The following TENM4 variants were observed in gnomAD, a reference collection of about 807,000 sequenced individuals.
TENM4 encodes teneurin-4.
In TENM4, 82 loss-of-function variants were observed where a neutral mutation model predicts 243.3. The observed-to-expected ratio is 0.34, with a 90% CI of 0.28 to 0.40. The LOEUF (loss-of-function observed/expected upper bound fraction) is 0.40, where lower values mean the gene tolerates loss of function less well. Ranked by LOEUF, TENM4 falls within the 10% of genes least tolerant of loss-of-function variation. TENM4 has a pLI of 1.00. For missense variants in TENM4, 3,138 were observed against 3,673.3 expected (o/e 0.85, Z 3.77); for synonymous variants, 1,412 against 1,456.3 (o/e 0.97, Z 0.69).
intron 19 of TENM4, among the ~76,000 whole-genome samples, chr11:78,746,673 G>A (rs567107467): frequency 7.3e-4 from 111 of 152,352 alleles, no homozygotes; most frequent in African/African-American, 2.6e-3. Flanking sequence ...CAGGGAGCAA[G>A]GCCCTTGTCC....
intron 19 of TENM4, among the ~76,000 whole-genome samples, chr11:78,750,875 GTGTGTC>G (rs1277637747): frequency 5.3e-5 from 8 of 151,750 alleles, no homozygotes; most frequent in African/African-American, 1.9e-4. Flanking sequence ...GTGTGTGTGT[GTGTGTC>G]TGTGTGTCTG....
chr11:79,280,344 G>T (rs942209689), intron 2 of TENM4, among the ~76,000 whole-genome samples: 2 of 152,134 alleles, frequency 1.3e-5, no homozygotes, highest in African/African-American at 4.8e-5. Context: ...GCTCCAGTGG[G>T]CAGGCATATC....
intron 2 of TENM4, among the ~76,000 whole-genome samples, chr11:79,264,190 G>C (rs1248891323): frequency 1.3e-5 from 2 of 152,086 alleles, no homozygotes; most frequent in Admixed American, 1.3e-4. Flanking sequence ...GAGATACCAC[G>C]GGAGCAGTGA....
chr11:79,043,014 C>T (rs1165693856), intron 6 of TENM4, among the ~76,000 whole-genome samples: 5 of 152,316 alleles, frequency 3.3e-5, no homozygotes, highest in East Asian at 1.9e-4. Flanking sequence ...CTCAGTCATA[C>T]AGTACATGCA....
chr11:78,665,986 G>C (rs1170838296), intron 32 of TENM4, among the ~76,000 whole-genome samples: 1 of 152,158 alleles, frequency 6.6e-6, no homozygotes, highest in Non-Finnish European at 1.5e-5. Context: ...GGATTGTCCA[G>C]TGACCTAAGC....
At chr11:78,890,468 A>G (rs1417326166) in intron 8 of TENM4, among the ~76,000 whole-genome samples, 4 of 152,132 alleles carry the variant, frequency 2.6e-5, no homozygotes, top group South Asian at 2.1e-4. Context: ...TCTCCCTCCA[A>G]TGCTTCTGTT....
intron 6 of TENM4, among the ~76,000 whole-genome samples, chr11:79,015,065 A>G (rs1858737682): frequency 6.6e-6 from 1 of 152,146 alleles, no homozygotes; most frequent in Admixed American, 6.5e-5. Context: ...AAACATAAAT[A>G]TCTCATTAGG....
intron 13 of TENM4, 127 bp downstream of exon 13, chr11:78,814,167 C>A: frequency 1.2e-6 from 1 of 827,316 alleles, no homozygotes; most frequent in Admixed American, 2.9e-5. Context: ...TGGAGAATGG[C>A]CCTTGGAAAC....
At chr11:79,429,410 G>A (rs998072718) in intron 1 of TENM4, among the ~76,000 whole-genome samples, 3 of 152,214 alleles carry the variant, frequency 2.0e-5, no homozygotes, top group African/African-American at 7.2e-5. Flanking sequence ...CAGCGGACCA[G>A]CAGCTGAGAG....
chr11:79,095,753 G>A (rs1861062062), intron 4 of TENM4, among the ~76,000 whole-genome samples: 1 of 152,234 alleles, frequency 6.6e-6, no homozygotes. Flanking sequence ...ATGCCCAAGA[G>A]GTGCTGGGTC....
intron 9 of TENM4, among the ~76,000 whole-genome samples, chr11:78,873,169 C>T (rs1022690084): frequency 6.6e-6 from 1 of 152,174 alleles, no homozygotes; most frequent in Non-Finnish European, 1.5e-5. Context: ...TGCCCCCCTG[C>T]CTTTATCTGT....
At chr11:79,342,098 C>G (rs1020651518) in intron 1 of TENM4, among the ~76,000 whole-genome samples, 2 of 152,180 alleles carry the variant, frequency 1.3e-5, no homozygotes, top group African/African-American at 4.8e-5. Context: ...CCCACAATCA[C>G]AGAGGACACT....
intron 3 of TENM4, among the ~76,000 whole-genome samples, chr11:79,167,018 T>G (rs533490752): frequency 6.6e-6 from 1 of 152,320 alleles, no homozygotes; most frequent in East Asian, 1.9e-4. Flanking sequence ...TAGAGGCTCA[T>G]GAATGCCAGG....
At chr11:78,846,018 T>C (rs1422358349) in intron 12 of TENM4, among the ~76,000 whole-genome samples, 1 of 152,146 alleles carries the variant, frequency 6.6e-6, no homozygotes, top group Non-Finnish European at 1.5e-5. Context: ...TAAGACCCTA[T>C]CTGTCTTGCT....
At chr11:79,119,807 T>A (rs971919020) in intron 4 of TENM4, among the ~76,000 whole-genome samples, 9 of 152,184 alleles carry the variant, frequency 5.9e-5, no homozygotes, top group Non-Finnish European at 1.2e-4. Context: ...CAGATGTCCA[T>A]CCTCTCCTGA....
At chr11:78,846,392 T>C (rs946118068) in intron 12 of TENM4, among the ~76,000 whole-genome samples, 1 of 152,224 alleles carries the variant, frequency 6.6e-6, no homozygotes, top group African/African-American at 2.4e-5. Flanking sequence ...ATGGCTATTT[T>C]ACATACCAGT....
At chr11:79,089,688 GC>G (rs1860900611) in intron 4 of TENM4, among the ~76,000 whole-genome samples, 1 of 152,094 alleles carries the variant, frequency 6.6e-6, no homozygotes, top group South Asian at 2.1e-4. Flanking sequence ...CATTCCAATG[GC>G]CGCAGGCAAG....
intron 6 of TENM4, among the ~76,000 whole-genome samples, chr11:79,021,989 C>A (rs77570340): frequency 1.3e-5 from 2 of 152,164 alleles, no homozygotes; most frequent in East Asian, 1.9e-4. Flanking sequence ...GATACGCAGA[C>A]AATTTGGCTC....
At chr11:79,277,134 CAG>C (rs957421517) in intron 2 of TENM4, among the ~76,000 whole-genome samples, 1 of 152,190 alleles carries the variant, frequency 6.6e-6, no homozygotes, top group African/African-American at 2.4e-5. Flanking sequence ...GAGCCAGATA[CAG>C]AGAGAGCTCT....
Sources: allele counts gnomAD v4.1 joint callset (sites outside exome capture counted in the v4.1 genomes callset), GRCh38; gene constraint gnomAD v4.1.1; transcripts MANE v1.5; gene names NCBI Gene and HGNC (gene_info 2026-07-23, HGNC 2026-07-21).